TLE4: variants seen among roughly 807,000 people sequenced by gnomAD.
The protein encoded by TLE4 is transducin-like enhancer protein 4.
In TLE4, 8 loss-of-function variants were observed where a neutral mutation model predicts 92.8. That is an observed-to-expected ratio of 0.09 (90% confidence interval 0.05 to 0.16). The LOEUF (loss-of-function observed/expected upper bound fraction) is 0.16. TLE4 is among the 10% of genes least tolerant of loss of function. The pLI, the probability that TLE4 is intolerant of heterozygous loss-of-function variation, is 1.00. For synonymous variants in TLE4, 371 were observed against 374.1 expected (o/e 0.99, Z 0.10); for missense variants, 675 against 997.6 (o/e 0.68, Z 4.36).
intron 6 of TLE4, among the ~76,000 whole-genome samples, chr9:79,639,001 A>G (rs1487820027): frequency 1.3e-5 from 2 of 152,126 alleles, no homozygotes; most frequent in African/African-American, 4.8e-5. Flanking sequence ...AAGTGACCCT[A>G]TCCAGGTCAG....
At chr9:79,679,964 C>G (rs1242689016) in intron 8 of TLE4, among the ~76,000 whole-genome samples, 6 of 152,026 alleles carry the variant, frequency 3.9e-5, no homozygotes, top group African/African-American at 1.4e-4. Flanking sequence ...CTGTTCTGTT[C>G]CATTGATCTA....
chr9:79,720,330 G>T (rs773984175), intron 16 of TLE4, 37 bp downstream of exon 16: 1 of 1,584,328 alleles, frequency 6.3e-7, no homozygotes, highest in African/African-American at 1.3e-5. Context: ...TTGTGAGGAG[G>T]AGCCGATTTT....
rs1353463183 is a variant in TLE4, at chr9:79,725,731, A to G, written c.*587A>G. On this transcript the variant is annotated 3_prime_UTR_variant, in exon 20 of 20. Transcript: ENST00000376552. ...CTTTTGGAAATTTGGCTGAACAATT[A>G]GAACACAACAGGCCAACTCATACTC... 6.5e-6 allele frequency: 1 copy of G among 152,842 alleles called. No homozygotes were observed. Among genetic ancestry groups the G allele is most frequent in the African/African-American group, 2.4e-5 (1 of 41,468 alleles). 9.5% of individuals were successfully genotyped at this position (152,842 alleles called of 1,614,324 possible).
chr9:79,593,276 G>A (rs373267129), intron 4 of TLE4, among the ~76,000 whole-genome samples: 3 of 151,980 alleles, frequency 2.0e-5, no homozygotes, highest in Non-Finnish European at 4.4e-5. Context: ...AGAAACATAC[G>A]TTGCTTTATG....
At chr9:79,692,692 G>A (rs1161371835) in intron 8 of TLE4, among the ~76,000 whole-genome samples, 2 of 152,148 alleles carry the variant, frequency 1.3e-5, no homozygotes, top group Admixed American at 6.5e-5. Flanking sequence ...ATGAGTGCCT[G>A]ATTCATAGAT....
At chr9:79,629,277 T>C (rs1201703385) in intron 6 of TLE4, among the ~76,000 whole-genome samples, 2 of 152,104 alleles carry the variant, frequency 1.3e-5, no homozygotes, top group African/African-American at 4.8e-5. Flanking sequence ...TAAAAAACAC[T>C]TTGTTTATGT....
intron 4 of TLE4, among the ~76,000 whole-genome samples, chr9:79,577,611 A>G (rs1564090710): frequency 1.3e-5 from 2 of 152,092 alleles, no homozygotes; most frequent in African/African-American, 2.4e-5. Flanking sequence ...TACATGAGAG[A>G]TATTGTTTGT....
intron 14 of TLE4, among the ~76,000 whole-genome samples, chr9:79,717,353 A>G (rs997062607): frequency 9.2e-5 from 14 of 152,208 alleles, no homozygotes; most frequent in Non-Finnish European, 1.5e-4. Flanking sequence ...CTCAGGTCAC[A>G]CATCCAGTGT....
chr9:79,602,828 A>G (rs1196338231), intron 4 of TLE4, among the ~76,000 whole-genome samples: 1 of 152,204 alleles, frequency 6.6e-6, no homozygotes, highest in East Asian at 1.9e-4. Flanking sequence ...CTTCTGGTGA[A>G]TCTGAGCAAG....
intron 10 of TLE4, 151 bp from the exon 11 acceptor site, chr9:79,706,596 T>G: frequency 1.0e-6 from 1 of 964,968 alleles, no homozygotes; most frequent in Non-Finnish European, 1.5e-6. Context: ...ATATTTTCGT[T>G]AGTAGTTTCA....
At chr9:79,648,815 G>A (rs116090449) in intron 6 of TLE4, among the ~76,000 whole-genome samples, 1,687 of 152,264 alleles carry the variant, frequency 0.011, 39 homozygotes, top group African/African-American at 0.038. Flanking sequence ...TCATTTCCAG[G>A]TAATGCTGGA....
intron 14 of TLE4, among the ~76,000 whole-genome samples, chr9:79,716,955 G>A (rs377419697): frequency 6.6e-6 from 1 of 152,170 alleles, no homozygotes; most frequent in East Asian, 1.9e-4. Context: ...TTAGTAAATT[G>A]TCATGTGATT....
intron 6 of TLE4, 55 bp from the exon 7 acceptor site, chr9:79,652,538 G>T: frequency 1.3e-6 from 2 of 1,590,526 alleles, no homozygotes; most frequent in Non-Finnish European, 1.7e-6. Context: ...TTCTCTTGGG[G>T]CAGGGGTTGG....
At chr9:79,587,498 T>C (rs2041423117) in intron 4 of TLE4, among the ~76,000 whole-genome samples, 2 of 152,234 alleles carry the variant, frequency 1.3e-5, no homozygotes, top group Admixed American at 1.3e-4. Flanking sequence ...ATAAAATTCA[T>C]CCCTACTTCC....
intron 5 of TLE4, among the ~76,000 whole-genome samples, chr9:79,623,794 C>G (rs2051735131): frequency 6.6e-6 from 1 of 151,026 alleles, no homozygotes; most frequent in African/African-American, 2.4e-5. Context: ...CTTCAAAATC[C>G]CAGTTAGAGG....
intron 8 of TLE4, among the ~76,000 whole-genome samples, chr9:79,696,788 C>G (rs977821437): frequency 3.9e-5 from 6 of 152,148 alleles, no homozygotes; most frequent in Admixed American, 6.6e-5. Context: ...GAGCTGTTAC[C>G]CTACTTCAGC....
chr9:79,618,184 A>T (rs988573364), intron 5 of TLE4, among the ~76,000 whole-genome samples: 1 of 152,230 alleles, frequency 6.6e-6, no homozygotes. Context: ...GACAACTGCC[A>T]CTTGCTTCCA....
At position 79,572,160 on chromosome 9, in the gene TLE4, C is replaced by G. The variant is rs1465734470; in HGVS notation, c.-631C>G. 1.3e-5 allele frequency: 2 copies of G among 148,518 alleles called. No individual in the cohort carries two copies. Among genetic ancestry groups the G allele is most frequent in the African/African-American group, 5.0e-5 (2 of 40,228 alleles). The allele number at this position is 148,518 out of a possible 1,614,324, so 9.2% of individuals were successfully genotyped here. A position where few individuals can be genotyped will look rare whatever the true frequency, so the allele number is the denominator to read the frequency against. Reference sequence around the variant, plus strand: ...CTTCAATTTGGGGTTAAAAAAAAGACAAGAAAACAGGAAGGAAGAGAAATA... The same window carrying G: ...CTTCAATTTGGGGTTAAAAAAAAGAGAAGAAAACAGGAAGGAAGAGAAATA... On this transcript the variant is annotated 5_prime_UTR_variant, in exon 1 of 20. Transcript: ENST00000376552.
intron 6 of TLE4, among the ~76,000 whole-genome samples, chr9:79,647,957 T>C (rs985845830): frequency 3.3e-5 from 5 of 151,130 alleles, no homozygotes; most frequent in African/African-American, 9.7e-5. Context: ...TTTATACATA[T>C]AGAGACAGAT....
Sources: allele counts gnomAD v4.1 joint callset (sites outside exome capture counted in the v4.1 genomes callset), GRCh38; gene constraint gnomAD v4.1.1; transcripts MANE v1.5; gene names NCBI Gene and HGNC (gene_info 2026-07-23, HGNC 2026-07-21).